ACTN1: variants seen among roughly 807,000 people sequenced by gnomAD.
ACTN1 encodes the protein alpha-actinin-1.
ACTN1 carries 30 observed loss-of-function variants against 119.6 expected under a neutral mutation model. The observed-to-expected ratio is 0.25, with a 90% confidence interval of 0.19 to 0.34. ACTN1 has a LOEUF of 0.34. Among genes scored for constraint, ACTN1 ranks in the 10% least tolerant of loss-of-function variants. The pLI is 1.00. For synonymous variants in ACTN1, 429 were observed against 472.6 expected, an observed-to-expected ratio of 0.91 and a Z score of 1.20; for missense variants, 764 against 1,223.4, an observed-to-expected ratio of 0.62 and a Z score of 5.60.
chr14:68,910,782 A>C (rs1594801023), intron 4 of ACTN1, among the ~76,000 whole-genome samples: 1 of 152,036 alleles, frequency 6.6e-6, no homozygotes, highest in African/African-American at 2.4e-5. Flanking sequence ...TTTCCCCCAT[A>C]CTGTTCTCGT....
intron 10 of ACTN1, 26 bp from the exon 11 acceptor site, chr14:68,890,312 A>G: frequency 1.2e-6 from 2 of 1,613,282 alleles, no homozygotes; most frequent in Admixed American, 1.7e-5. Context: ...GTACAGGGTC[A>G]GGGTCTGGCT....
chr14:68,977,804 C>CCCT (rs530015269), intron 1 of ACTN1: 6 of 367,374 alleles, frequency 1.6e-5, no homozygotes, highest in East Asian at 1.6e-4. Flanking sequence ...ATCCTGTCCC[C>CCCT]CCCCCACCCA....
chr14:68,937,334 G>C (rs2035576864), intron 1 of ACTN1, among the ~76,000 whole-genome samples: 1 of 152,040 alleles, frequency 6.6e-6, no homozygotes, highest in African/African-American at 2.4e-5. Context: ...CATTTCTCTG[G>C]GATTATTTGG....
intron 14 of ACTN1, among the ~76,000 whole-genome samples, chr14:68,883,847 T>C (rs1048566798): frequency 1.3e-5 from 2 of 152,176 alleles, no homozygotes; most frequent in African/African-American, 2.4e-5. Context: ...TTTTGTTTTA[T>C]ACAAAAAGGG....
intron 1 of ACTN1, among the ~76,000 whole-genome samples, chr14:68,956,678 A>G (rs2036361104): frequency 6.6e-6 from 1 of 152,168 alleles, no homozygotes; most frequent in African/African-American, 2.4e-5. Context: ...GCAGCGAATG[A>G]TCACTGAATA....
chr14:68,876,231 GATCC>G (rs1353952949), intron 21 of ACTN1, among the ~76,000 whole-genome samples: 3 of 152,120 alleles, frequency 2.0e-5, no homozygotes, highest in Non-Finnish European at 4.4e-5. Context: ...CTCCTGACCT[GATCC>G]ATCCACCTCA....
intron 1 of ACTN1, among the ~76,000 whole-genome samples, chr14:68,958,156 T>C (rs1473646938): frequency 2.0e-5 from 3 of 152,220 alleles, no homozygotes; most frequent in Non-Finnish European, 4.4e-5. Context: ...CCCAAACATT[T>C]AGACATTTAA....
At chr14:68,977,724 G>A (rs905907700) in intron 1 of ACTN1, 2 of 316,288 alleles carry the variant, frequency 6.3e-6, no homozygotes, top group Non-Finnish European at 1.2e-5. Context: ...GGGAATGAAT[G>A]TTACCATTTT....
At chr14:68,969,882 A>G (rs2036825800) in intron 1 of ACTN1, among the ~76,000 whole-genome samples, 1 of 152,170 alleles carries the variant, frequency 6.6e-6, no homozygotes, top group South Asian at 2.1e-4. Context: ...TGCCTCTTCC[A>G]GCCTGGAAAG....
chr14:68,913,970 C>A (rs564632847), intron 3 of ACTN1, among the ~76,000 whole-genome samples: 16 of 152,294 alleles, frequency 1.1e-4, no homozygotes, highest in African/African-American at 3.9e-4. Context: ...AGCCTGTACT[C>A]CCAACACTTT....
chr14:68,913,987 C>T (rs2034150134), intron 3 of ACTN1, among the ~76,000 whole-genome samples: 2 of 152,270 alleles, frequency 1.3e-5, no homozygotes, highest in South Asian at 4.1e-4. Flanking sequence ...CTTTGGGAGG[C>T]CAAGACAGGT....
chr14:68,892,094 T>G lies in ACTN1; in HGVS notation c.1045A>C (p.Asn349His). ...TCAGAGGGCATGAAGGCAGGCCGGT[T>G]GCTGAGCCGCAGCTTGGTCTGCAGC... is the stretch of plus-strand genomic sequence containing the variant. ...NTLQTKLRLS[N>H]RPAFMPSEGR... The change falls in exon 10 of 22, where the codon AAC becomes CAC. Residue 349 changes from asparagine (N) to histidine (H), a missense_variant. Transcript: ENST00000394419. 6.2e-7 allele frequency: 1 copy of G among 1,613,962 alleles called. No homozygotes were observed. Among genetic ancestry groups the G allele is most frequent in the Non-Finnish European group, 8.5e-7 (1 of 1,179,988 alleles).
intron 1 of ACTN1, among the ~76,000 whole-genome samples, chr14:68,976,915 C>T (rs1195842240): frequency 6.6e-6 from 1 of 152,224 alleles, no homozygotes; most frequent in Non-Finnish European, 1.5e-5. Flanking sequence ...TGGGGCACAC[C>T]CACTGCCACC....
intron 1 of ACTN1, among the ~76,000 whole-genome samples, chr14:68,953,073 T>C (rs1594866062): frequency 2.0e-5 from 3 of 152,280 alleles, no homozygotes; most frequent in Admixed American, 2.0e-4. Context: ...CACCCACCCC[T>C]GTCCCCAGGG....
intron 1 of ACTN1, among the ~76,000 whole-genome samples, chr14:68,954,295 T>A (rs151001591): frequency 5.5e-4 from 84 of 152,088 alleles, no homozygotes; most frequent in African/African-American, 2.0e-3. Context: ...TTTCCCCCAG[T>A]TTTGCTGTTA....
chr14:68,962,094 G>T (rs1215976257), intron 1 of ACTN1, among the ~76,000 whole-genome samples: 1 of 152,176 alleles, frequency 6.6e-6, no homozygotes, highest in African/African-American at 2.4e-5. Context: ...CACAGCCAAG[G>T]TTTAGCCAAC....
In ACTN1 at chr14:68,960,123, G is replaced by A. The variant is rs781561000; in HGVS notation, c.105+18829C>T. ...GTTGTCTCCACATTGAGTAGGCTGA[G>A]GAGGAGGAGAAGAAGGAGGACAGCT... is the stretch of plus-strand genomic sequence containing the variant. On this transcript the variant is annotated intron_variant, in intron 1 of 21. Coordinates refer to ENST00000394419, the MANE Select transcript of ACTN1 (RefSeq NM_001130004.2). 2.2e-4 allele frequency among the ~76,000 whole-genome samples: 34 copies of A among 152,212 alleles called. 1 individual carries two copies. The highest frequency in any genetic ancestry group is 4.6e-4 in the Non-Finnish European group (31 of 68,004).
At chr14:68,929,241 G>A (rs916484778) in intron 1 of ACTN1, among the ~76,000 whole-genome samples, 1 of 152,102 alleles carries the variant, frequency 6.6e-6, no homozygotes, top group African/African-American at 2.4e-5. Flanking sequence ...GGCAGCCTTG[G>A]TCTTGAGGCT....
chr14:68,964,920 G>A (rs944119020), intron 1 of ACTN1, among the ~76,000 whole-genome samples: 3 of 152,136 alleles, frequency 2.0e-5, no homozygotes, highest in African/African-American at 7.2e-5. Context: ...CCCGCATGTG[G>A]ATCACTACCT....
Sources: gnomAD v4.1 joint callset for allele counts (sites outside exome capture counted in the v4.1 genomes callset) on GRCh38, gnomAD v4.1.1 for gene constraint, MANE v1.5 for transcripts, NCBI Gene and HGNC (gene_info 2026-07-23, HGNC 2026-07-21) for gene names.